The following TMEM87A variants were observed in gnomAD, a reference collection of about 807,000 sequenced individuals.
The protein encoded by TMEM87A is Golgi-pH regulating cation channel.
In TMEM87A, 50 loss-of-function variants were observed where a neutral mutation model predicts 90.0. That is an observed-to-expected ratio of 0.56 (90% CI 0.44 to 0.70). The LOEUF (loss-of-function observed/expected upper bound fraction) is 0.70, where lower values mean the gene tolerates loss of function less well. TMEM87A is among the 30% of genes least tolerant of loss of function. TMEM87A has a pLI of 0.00. For missense variants in TMEM87A, 577 were observed against 660.5 expected, an observed-to-expected ratio of 0.87 and a Z score of 1.39; for synonymous variants, 226 against 226.7, an observed-to-expected ratio of 1.00 and a Z score of 0.03.
intron 2 of TMEM87A, among the ~76,000 whole-genome samples, chr15:42,270,566 A>G (rs886391113): frequency 6.6e-6 from 1 of 152,208 alleles, no homozygotes; most frequent in Non-Finnish European, 1.5e-5. Context: ...ACTGCACTCC[A>G]GTCTGGGTGA....
intron 6 of TMEM87A, 116 bp from the exon 7 acceptor site, chr15:42,244,283 T>A: frequency 1.5e-6 from 1 of 650,654 alleles, no homozygotes; most frequent in Non-Finnish European, 2.6e-6. Context: ...AAAGTCCTTC[T>A]CTTTCATTCA....
At position 42,220,384 on chromosome 15, in the gene TMEM87A, A is replaced by C. The variant is rs531128983; in HGVS notation, c.1404-249T>G. Reference sequence around the variant, plus strand: ...ACCTGTGACATCAGACTAGTTACTTAATCTCTCTGTACCCAGTTTCCTCAA... The same window carrying C: ...ACCTGTGACATCAGACTAGTTACTTCATCTCTCTGTACCCAGTTTCCTCAA... On this transcript the variant is annotated intron_variant, in intron 15 of 19. Coordinates refer to ENST00000389834, the MANE Select transcript of TMEM87A (RefSeq NM_015497.5). Among the ~76,000 whole-genome samples the C allele has an allele frequency of 2.6e-5, 4 of 152,326 alleles. No homozygotes were observed. The South Asian group carries it at 6.2e-4, about 24-fold the overall frequency.
intron 9 of TMEM87A, 62 bp from the exon 10 acceptor site, chr15:42,236,481 A>G: frequency 7.7e-7 from 1 of 1,291,620 alleles, no homozygotes; most frequent in Non-Finnish European, 1.1e-6. Flanking sequence ...CCAGATGCCA[A>G]TACTAGACTG....
At chr15:42,273,448 C>T, upstream of TMEM87A, 1 of 1,608,020 alleles carries the variant, frequency 6.2e-7, no homozygotes, top group Non-Finnish European at 8.5e-7. Flanking sequence ...TCTTCCGGTT[C>T]GTCCCGCCTT....
intron 9 of TMEM87A, among the ~76,000 whole-genome samples, chr15:42,236,825 T>C (rs1309349632): frequency 6.6e-6 from 1 of 152,222 alleles, no homozygotes; most frequent in Non-Finnish European, 1.5e-5. Context: ...TTTTTTCAGA[T>C]CTACTATTTT....
intron 6 of TMEM87A, among the ~76,000 whole-genome samples, chr15:42,255,924 C>G (rs1183602714): frequency 6.9e-6 from 1 of 144,460 alleles, no homozygotes; most frequent in African/African-American, 2.6e-5. Flanking sequence ...CGTGCGCCAC[C>G]ACACCCAGCT....
chr15:42,264,196 T>C lies in TMEM87A; in HGVS notation c.299A>G (p.Glu100Gly). Reference sequence around the variant, plus strand: ...AAGTTTTTCCAAATACAACTCTACTTCTTCTGCCTGGAAAAAGAGATAATA... The same window carrying C: ...AAGTTTTTCCAAATACAACTCTACTCCTTCTGCCTGGAAAAAGAGATAATA... ...YNEIYNFKAE[E>G]VELYLEKLKE... The change falls in exon 4 of 20, where the codon GAA becomes GGA. Residue 100 changes from glutamate (E) to glycine (G), a missense_variant. Physicochemically the swap from Glu to Gly is moderately conservative, Grantham distance 98 (BLOSUM62 -2). Transcript: ENST00000389834. 2 of 1,610,980 alleles carry C rather than the reference T, an allele frequency of 1.2e-6. No homozygotes were observed. The highest frequency in any genetic ancestry group is 1.7e-6 in the Non-Finnish European group (2 of 1,177,760).
At chr15:42,215,237 C>T (rs957204596) in intron 19 of TMEM87A, among the ~76,000 whole-genome samples, 22 of 152,288 alleles carry the variant, frequency 1.4e-4, no homozygotes, top group African/African-American at 3.6e-4. Flanking sequence ...CGGTGGCTCA[C>T]GCCTGTAATC....
At position 42,230,483 on chromosome 15, in the gene TMEM87A, A is replaced by T. The variant is rs558722726; in HGVS notation, c.1131+709T>A. Among the ~76,000 whole-genome samples the T allele has an allele frequency of 2.0e-4, 31 of 152,348 alleles. No homozygotes were observed. In the South Asian group the frequency reaches 6.4e-3, roughly 32 times the overall value. On this transcript the variant is annotated intron_variant, in intron 12 of 19. Transcript: ENST00000389834. Reference sequence around the variant, plus strand: ...ATATATAAAAACCAAAACAAATTCAATAAGATAAAGTCCAAAAACTTGAAT... The same window carrying T: ...ATATATAAAAACCAAAACAAATTCATTAAGATAAAGTCCAAAAACTTGAAT...
intron 6 of TMEM87A, among the ~76,000 whole-genome samples, chr15:42,251,900 C>T (rs1164445204): frequency 6.6e-6 from 1 of 152,230 alleles, no homozygotes; most frequent in Non-Finnish European, 1.5e-5. Flanking sequence ...GTGGTGGGCT[C>T]CACCCAATTC....
chr15:42,228,144 G>C (rs1336150713), intron 13 of TMEM87A, among the ~76,000 whole-genome samples: 1 of 151,660 alleles, frequency 6.6e-6, no homozygotes, highest in Non-Finnish European at 1.5e-5. Context: ...ATTTTTCTTT[G>C]GCTGGTCAGA....
chr15:42,261,051 T>C, intron 5 of TMEM87A, 49 bp from the exon 6 acceptor site: 1 of 1,573,172 alleles, frequency 6.4e-7, no homozygotes. Flanking sequence ...CTTCTTGTTT[T>C]TAGCTGCCCA....
chr15:42,251,043 C>T (rs143708612), intron 6 of TMEM87A, among the ~76,000 whole-genome samples: 1 of 152,290 alleles, frequency 6.6e-6, no homozygotes, highest in African/African-American at 2.4e-5. Flanking sequence ...GCTACTGAAG[C>T]TTGTGCATGC....
At chr15:42,266,661 T>C (rs949575275) in intron 3 of TMEM87A, among the ~76,000 whole-genome samples, 1 of 152,196 alleles carries the variant, frequency 6.6e-6, no homozygotes, top group Non-Finnish European at 1.5e-5. Context: ...ATATTCTTCA[T>C]AGTCACAAAC....
In TMEM87A at chr15:42,243,269, A is replaced by T. The variant is rs546765372; in HGVS notation, c.622+781T>A. On this transcript the variant is annotated intron_variant, in intron 7 of 19. Coordinates refer to ENST00000389834, the MANE Select transcript of TMEM87A (RefSeq NM_015497.5). ...GGCGACAGAGTGAGATTCCATCTCA[A>T]AAATAAATAAATAAATAAATAAATA... Among the ~76,000 whole-genome samples, 3 of 117,610 alleles carry T rather than the reference A, an allele frequency of 2.6e-5. No homozygotes were observed. The South Asian group carries it at 8.9e-4, about 35-fold the overall frequency. The allele number at this position is 117,610 out of a possible 152,430, so 77.2% of individuals were successfully genotyped here.
chr15:42,236,527 T>A, intron 9 of TMEM87A, 108 bp from the exon 10 acceptor site: 1 of 874,956 alleles, frequency 1.1e-6, no homozygotes, highest in Non-Finnish European at 1.9e-6. Context: ...GCATTGATAT[T>A]AGTCCTGCTA....
At chr15:42,245,617 C>T (rs369453786) in intron 6 of TMEM87A, among the ~76,000 whole-genome samples, 3 of 151,314 alleles carry the variant, frequency 2.0e-5, no homozygotes, top group South Asian at 2.1e-4. Context: ...GTCCGCCTCC[C>T]GGGTTCAAGC....
intron 19 of TMEM87A, among the ~76,000 whole-genome samples, chr15:42,217,071 CA>C (rs2050396366): frequency 1.3e-5 from 2 of 151,576 alleles, no homozygotes; most frequent in South Asian, 4.2e-4. Flanking sequence ...CCTCCCACTT[CA>C]CCTCCCAAGT....
intron 8 of TMEM87A, among the ~76,000 whole-genome samples, chr15:42,238,398 C>T (rs991844286): frequency 7.9e-5 from 12 of 151,764 alleles, no homozygotes; most frequent in Non-Finnish European, 1.8e-4. Flanking sequence ...GGTGAAACCC[C>T]GTCTCTACTA....
Sources: gnomAD v4.1 joint callset for allele counts (sites outside exome capture counted in the v4.1 genomes callset) on GRCh38, gnomAD v4.1.1 for gene constraint, MANE v1.5 for transcripts, NCBI Gene and HGNC (gene_info 2026-07-23, HGNC 2026-07-21) for gene names.